Variants in BACE1 observed in about 807,000 individuals in gnomAD.
BACE1 encodes the protein APP beta-secretase.
A neutral mutation model predicts 54.0 loss-of-function variants in BACE1; 21 were observed. The observed-to-expected ratio is 0.39, with a 90% CI of 0.28 to 0.56. The LOEUF (loss-of-function observed/expected upper bound fraction) is 0.56. BACE1 is among the 20% of genes least tolerant of loss of function. The pLI is 0.63. For synonymous variants in BACE1, 232 were observed against 260.9 expected, an observed-to-expected ratio of 0.89 and a Z score of 1.07; for missense variants, 511 against 661.2, an observed-to-expected ratio of 0.77 and a Z score of 2.49.
At position 117,293,193 on chromosome 11, in the gene BACE1, G is replaced by C; in HGVS notation, c.706-5C>G. On this transcript the variant is annotated splice_polypyrimidine_tract_variant and splice_region_variant and intron_variant, in intron 4 of 8. Coordinates refer to ENST00000313005, the MANE Select transcript of BACE1 (RefSeq NM_012104.6). This position sits in a 1 kb window ranked among gnomAD's most constrained non-coding sequence, Gnocchi z 4.1. The stretch of plus-strand genomic sequence containing the variant: ...GTGGTCGATACCTCCAATGATCTAG[G>C]GAAAAAAAGAGGCAGGTACCCGTGT... The C allele has an allele frequency of 1.2e-6, 2 of 1,611,074 alleles. No individual in the cohort carries two copies. Among genetic ancestry groups the C allele is most frequent in the Non-Finnish European group, 1.7e-6 (2 of 1,178,988 alleles).
rs1489796640 is a variant in BACE1 at position 117,316,032 on chromosome 11, T to A, written c.-237A>T. On this transcript the variant is annotated 5_prime_UTR_variant, in exon 1 of 9. It removes an upstream start codon present in the reference 5' UTR. Coordinates refer to ENST00000313005, the MANE Select transcript of BACE1 (RefSeq NM_012104.6). Reference sequence around the variant, plus strand: ...AGGCTGGGATCCGGAGCCCGCTACATCGGCACGGCGGCGGCCAGCCTGGGC... The same window carrying A: ...AGGCTGGGATCCGGAGCCCGCTACAACGGCACGGCGGCGGCCAGCCTGGGC... 7.5e-6 allele frequency: 3 copies of A among 398,470 alleles called. No individual in the cohort carries two copies. Among genetic ancestry groups the A allele is most frequent in the Middle Eastern group, 6.4e-4 (1 of 1,554 alleles). The allele number at this position is 398,470 out of a possible 1,614,324, so 24.7% of individuals were successfully genotyped here. A position where few individuals can be genotyped will look rare whatever the true frequency, so the allele number is the denominator to read the frequency against.
chr11:117,310,385 T>C (rs1026542158), intron 1 of BACE1, among the ~76,000 whole-genome samples: 1 of 152,192 alleles, frequency 6.6e-6, no homozygotes, highest in South Asian at 2.1e-4. Flanking sequence ...AAAGAGAGGA[T>C]ACTGCAAAAT....
At chr11:117,306,513 GA>G (rs2034835676) in intron 1 of BACE1, among the ~76,000 whole-genome samples, 1 of 151,978 alleles carries the variant, frequency 6.6e-6, no homozygotes, top group Non-Finnish European at 1.5e-5. Flanking sequence ...CCTTGGAAAA[GA>G]GTAAGTGGTA....
chr11:117,292,846 T>G (rs1183610985), intron 5 of BACE1: 1 of 449,156 alleles, frequency 2.2e-6, no homozygotes, highest in Non-Finnish European at 3.9e-6. Flanking sequence ...TAGTTCCATG[T>G]TTTTTTTTTC....
chr11:117,305,210 G>A (rs1381521654), intron 1 of BACE1, among the ~76,000 whole-genome samples: 1 of 152,120 alleles, frequency 6.6e-6, no homozygotes, highest in Non-Finnish European at 1.5e-5. Flanking sequence ...AGAACCTTGT[G>A]AGTCAGCTTC....
chr11:117,293,344 G>A lies in BACE1; in HGVS notation c.706-156C>T. 1.5e-6 allele frequency: 1 copy of A among 662,630 alleles called. No homozygotes were observed. The highest frequency in any genetic ancestry group is 2.4e-6 in the Non-Finnish European group (1 of 417,298). 41.0% of individuals were successfully genotyped at this position (662,630 alleles called of 1,614,324 possible). A position where few individuals can be genotyped will look rare whatever the true frequency, so the allele number is the denominator to read the frequency against. ...TGCTTCTAAACAAATCATACCCAAA[G>A]TGATTTCTAGTTTCTTAAATGTGTT... On this transcript the variant is annotated intron_variant, in intron 4 of 8. Coordinates refer to ENST00000313005, the MANE Select transcript of BACE1 (RefSeq NM_012104.6). This position sits in a 1 kb window ranked among gnomAD's most constrained non-coding sequence, Gnocchi z 4.1.
In BACE1 at chr11:117,301,264, T is replaced by C. The variant is rs144922181; in HGVS notation, c.262-4303A>G. Among the ~76,000 whole-genome samples, 1,081 of 152,278 alleles carry C rather than the reference T, an allele frequency of 7.1e-3. 10 individuals are homozygous for C. The highest frequency in any genetic ancestry group is 0.024 in the African/African-American group (984 of 41,556). ...CTAACTCCAGCTTTTTCCTCTCCTT[T>C]GAGCTCCCGACGCACGCACCCAAGT... is the stretch of plus-strand genomic sequence containing the variant. On this transcript the variant is annotated intron_variant, in intron 1 of 8. Coordinates refer to ENST00000313005, the MANE Select transcript of BACE1 (RefSeq NM_012104.6).
At position 117,293,018 on chromosome 11, in the gene BACE1, C is replaced by A; in HGVS notation, c.840+36G>T. The A allele has an allele frequency of 6.2e-7, 1 of 1,609,924 alleles. No homozygotes were observed. Among genetic ancestry groups the A allele is most frequent in the South Asian group, 1.1e-5 (1 of 90,296 alleles). ...CTTCCTTCACATTGTACTGCCTACC[C>A]CCTTATGTTCCCAGGCTCTCCCTTG... On this transcript the variant is annotated intron_variant, in intron 5 of 8. Coordinates refer to ENST00000313005, the MANE Select transcript of BACE1 (RefSeq NM_012104.6). This position sits in a 1 kb window ranked among gnomAD's most constrained non-coding sequence, Gnocchi z 4.1.
rs780780315 is a variant in BACE1 at position 117,315,629 on chromosome 11, C to T, written c.167G>A (p.Arg56Gln). 1.9e-6 allele frequency: 3 copies of T among 1,584,570 alleles called. No individual in the cohort carries two copies. Among genetic ancestry groups the T allele is most frequent in the South Asian group, 2.3e-5 (2 of 87,504 alleles). Residue 56 changes from arginine (R) to glutamine (Q), a missense_variant, in exon 1 of 9, where the codon CGG (arginine) becomes CAG (glutamine). Physicochemically the swap from Arg to Gln is conservative, Grantham distance 43. Transcript: ENST00000313005. This position sits in a 1 kb window ranked among gnomAD's most constrained non-coding sequence, Gnocchi z 5.5. ...ETDEEPEEPGRRGSFVEMVDN... is the reference protein window; with the variant it reads ...ETDEEPEEPGQRGSFVEMVDN... ...CACCATCTCCACAAAGCTGCCCCTCCGGCCGGGCTCCTCGGGCTCTTCGTC... is the reference window on the plus strand; with the variant it reads ...CACCATCTCCACAAAGCTGCCCCTCTGGCCGGGCTCCTCGGGCTCTTCGTC...
At position 117,290,559 on chromosome 11, in the gene BACE1, A is replaced by G. The variant is rs2034395147; in HGVS notation, c.1193T>C (p.Ile398Thr). The G allele has an allele frequency of 1.9e-6, 3 of 1,614,262 alleles. No individual in the cohort carries two copies. In the East Asian group the frequency reaches 6.7e-5, roughly 36 times the overall value. The change falls in exon 8 of 9, where the codon ATC (isoleucine) becomes ACC (threonine). Residue 398 changes from isoleucine to threonine, a missense_variant. By Grantham distance (89) the Ile-to-Thr change is moderately conservative. Transcript: ENST00000313005. The stretch of plus-strand genomic sequence containing the variant: ...AAAGACAACGTAGAAGCCCTCCATG[A>G]TAACAGCTCCCATAACAGTGCCCGT... ...SSTGTVMGAV[I>T]MEGFYVVFDR... is the part of the protein sequence containing the mutation.
chr11:117,290,800 T>C, intron 7 of BACE1, 100 bp downstream of exon 7: 1 of 1,552,460 alleles, frequency 6.4e-7, no homozygotes, highest in Non-Finnish European at 8.8e-7. Context: ...TGGACACTAC[T>C]CATCTGTTTT....
chr11:117,289,429 A>G lies in BACE1; in HGVS notation c.*137T>C. On this transcript the variant is annotated 3_prime_UTR_variant, in exon 9 of 9. Coordinates refer to ENST00000313005, the MANE Select transcript of BACE1 (RefSeq NM_012104.6). ...TTGCCAGCCTTTTCCTTCTCCATCAAGGCAGAGGCATTTGGTGGGTGGGGA... is the reference window on the plus strand; with the variant it reads ...TTGCCAGCCTTTTCCTTCTCCATCAGGGCAGAGGCATTTGGTGGGTGGGGA... The G allele has an allele frequency of 7.1e-7, 1 of 1,413,522 alleles. No individual in the cohort carries two copies. Among genetic ancestry groups the G allele is most frequent in the Non-Finnish European group, 9.4e-7 (1 of 1,065,844 alleles). 87.6% of individuals were successfully genotyped at this position (1,413,522 alleles called of 1,614,324 possible). A position where few individuals can be genotyped will look rare whatever the true frequency, so the allele number is the denominator to read the frequency against.
chr11:117,309,197 C>T (rs1211795644), intron 1 of BACE1, among the ~76,000 whole-genome samples: 1 of 152,180 alleles, frequency 6.6e-6, no homozygotes, highest in African/African-American at 2.4e-5. Flanking sequence ...TCCTTGTTTG[C>T]ATGTCTAGAG....
intron 1 of BACE1, among the ~76,000 whole-genome samples, chr11:117,307,686 C>T (rs751788142): frequency 6.6e-6 from 1 of 152,168 alleles, no homozygotes; most frequent in South Asian, 2.1e-4. Flanking sequence ...CCTGACCTTC[C>T]ACCTTAGTGC....
At chr11:117,289,930 G>T in intron 8 of BACE1, 123 bp from the exon 9 acceptor site, 1 of 871,002 alleles carries the variant, frequency 1.1e-6, no homozygotes. Flanking sequence ...TCCTTCCCAG[G>T]AGATATTTAG....
chr11:117,301,220 C>T (rs1476614524), intron 1 of BACE1, among the ~76,000 whole-genome samples: 1 of 152,220 alleles, frequency 6.6e-6, no homozygotes, highest in East Asian at 1.9e-4. Flanking sequence ...CTACCTAGAT[C>T]CTGGTGATGT....
intron 1 of BACE1, among the ~76,000 whole-genome samples, chr11:117,307,101 T>C (rs1481098653): frequency 2.0e-5 from 3 of 152,090 alleles, no homozygotes; most frequent in Non-Finnish European, 2.9e-5. Flanking sequence ...GGGAAACACC[T>C]GGCTATAGTA....
chr11:117,298,140 A>G (rs1203359206), intron 1 of BACE1, among the ~76,000 whole-genome samples: 1 of 152,096 alleles, frequency 6.6e-6, no homozygotes, highest in Non-Finnish European at 1.5e-5. Flanking sequence ...CATCTCTACT[A>G]AAAATACAAA....
At chr11:117,309,970 G>C (rs561748128) in intron 1 of BACE1, among the ~76,000 whole-genome samples, 1 of 151,194 alleles carries the variant, frequency 6.6e-6, no homozygotes, top group African/African-American at 2.5e-5. Flanking sequence ...GTGCAGTGGC[G>C]CAATCTCGGC....
Sources: allele counts gnomAD v4.1 joint callset (sites outside exome capture counted in the v4.1 genomes callset), GRCh38; gene constraint gnomAD v4.1.1; non-coding constraint Gnocchi (gnomAD v3.1); transcripts MANE v1.5; gene names NCBI Gene and HGNC (gene_info 2026-07-23, HGNC 2026-07-21).